The following CNTNAP4 variants were observed in gnomAD, a reference collection of about 807,000 sequenced individuals.
CNTNAP4 encodes contactin-associated protein-like 4.
In CNTNAP4, 98 loss-of-function variants were observed where a neutral mutation model predicts 148.4. The ratio of observed to expected loss-of-function variants is 0.66; its 90% CI spans 0.56 to 0.78. The LOEUF (loss-of-function observed/expected upper bound fraction) is 0.78. Ranked by LOEUF, CNTNAP4 falls within the 30% of genes least tolerant of loss-of-function variation. The pLI, the probability that CNTNAP4 is intolerant of heterozygous loss-of-function variation, is 0.00. For missense variants in CNTNAP4, 1,935 were observed against 1,565.6 expected (o/e 1.24, Z -3.98); for synonymous variants, 730 against 565.1 (o/e 1.29, Z -4.14).
chr16:76,328,536 G>A (rs768154738), intron 2 of CNTNAP4, among the ~76,000 whole-genome samples: 1 of 152,152 alleles, frequency 6.6e-6, no homozygotes, highest in Non-Finnish European at 1.5e-5. Flanking sequence ...ACGCAGAAAG[G>A]ACATTTAGTA....
chr16:76,392,860 G>A (rs1463747144), intron 3 of CNTNAP4, among the ~76,000 whole-genome samples: 2 of 152,170 alleles, frequency 1.3e-5, no homozygotes, highest in Non-Finnish European at 2.9e-5. Context: ...GCCTGTCAAT[G>A]AATGAAAGGT....
chr16:76,357,058 A>AACACAC (rs58020066), intron 3 of CNTNAP4, among the ~76,000 whole-genome samples: 9,707 of 147,978 alleles, frequency 0.066, 402 homozygotes, highest in Admixed American at 0.13. Flanking sequence ...AACAAAACAA[A>AACACAC]ACACACACAC....
In CNTNAP4 at chr16:76,407,876, G is replaced by C. The variant is rs150905859; in HGVS notation, c.391-19576G>C. Among the ~76,000 whole-genome samples the C allele has an allele frequency of 1.9e-3, 292 of 152,174 alleles. 1 individual carries two copies. The highest frequency in any genetic ancestry group is 6.7e-3 in the African/African-American group (278 of 41,536). On this transcript the variant is annotated intron_variant, in intron 3 of 23. Transcript: ENST00000611870. ...ATCAAATGGCATCACATGCTACAGA[G>C]AAGTCTTTCATGAAAGGAAGAATTA...
intron 13 of CNTNAP4, among the ~76,000 whole-genome samples, chr16:76,493,664 T>C (rs1383152579): frequency 1.3e-5 from 2 of 152,186 alleles, no homozygotes; most frequent in Non-Finnish European, 2.9e-5. Flanking sequence ...TATTGAAATA[T>C]ATTTATTAAG....
chr16:76,377,888 G>C (rs1000360299), intron 3 of CNTNAP4, among the ~76,000 whole-genome samples: 1 of 152,170 alleles, frequency 6.6e-6, no homozygotes, highest in African/African-American at 2.4e-5. Flanking sequence ...TTGGATTTCA[G>C]GTGGGATGAA....
intron 10 of CNTNAP4, 138 bp from the exon 11 acceptor site, chr16:76,475,801 T>A: frequency 1.6e-6 from 1 of 611,708 alleles, no homozygotes; most frequent in Admixed American, 3.0e-5. Flanking sequence ...GTGATTAAAG[T>A]GATTAACAAC....
intron 7 of CNTNAP4, 24 bp from the exon 8 acceptor site, chr16:76,452,484 C>A (rs760187020): frequency 1.2e-6 from 2 of 1,611,726 alleles, no homozygotes; most frequent in Non-Finnish European, 1.7e-6. Context: ...ATTCTGAAAG[C>A]TTTTTCTTTT....
At chr16:76,550,381 A>AT (rs2084910511) in intron 21 of CNTNAP4, among the ~76,000 whole-genome samples, 1 of 152,176 alleles carries the variant, frequency 6.6e-6, no homozygotes. Context: ...CCATGTGTCC[A>AT]TTTTGAGTTT....
In CNTNAP4 at chr16:76,553,322, C is replaced by T. The variant is rs778705362; in HGVS notation, c.3482C>T (p.Ala1161Val). 1.7e-5 allele frequency: 27 copies of T among 1,612,556 alleles called. No homozygotes were observed. Among genetic ancestry groups the T allele is most frequent in the Admixed American group, 1.2e-4 (7 of 59,962 alleles). The change falls in exon 22 of 24, where the codon GCG (alanine) becomes GTG (valine). Residue 1161 changes from alanine (A) to valine (V), a missense_variant. Transcript: ENST00000611870. ...GACCAGGATACTGCACTGGCAGGTG[C>T]GCAGGGCTTCACAGGCTGCCTCTCT... ...DVDQDTALAG[A>V]QGFTGCLSAV...
chr16:76,302,128 G>A (rs769055530), intron 1 of CNTNAP4, among the ~76,000 whole-genome samples: 4 of 152,046 alleles, frequency 2.6e-5, no homozygotes, highest in East Asian at 1.9e-4. Flanking sequence ...GCCAGGGAAG[G>A]TACAATTTCA....
At chr16:76,372,072 C>T (rs181624232) in intron 3 of CNTNAP4, among the ~76,000 whole-genome samples, 434 of 152,116 alleles carry the variant, frequency 2.9e-3, no homozygotes, top group Non-Finnish European at 5.0e-3. Context: ...TCCAATTCAC[C>T]CATCTATTTT....
chr16:76,474,081 A>G (rs2081474281), intron 10 of CNTNAP4, among the ~76,000 whole-genome samples: 2 of 152,212 alleles, frequency 1.3e-5, no homozygotes, highest in Admixed American at 1.3e-4. Flanking sequence ...TAAGGGGCTT[A>G]GCTACAAATA....
At chr16:76,355,580 A>G in intron 3 of CNTNAP4, 69 bp downstream of exon 3, 1 of 1,145,804 alleles carries the variant, frequency 8.7e-7, no homozygotes, top group Non-Finnish European at 1.2e-6. Context: ...CTTGTTTACC[A>G]ATCTCTTAAA....
intron 10 of CNTNAP4, among the ~76,000 whole-genome samples, chr16:76,468,755 A>G (rs2081264806): frequency 6.6e-6 from 1 of 152,112 alleles, no homozygotes; most frequent in African/African-American, 2.4e-5. Context: ...CACTGTGCCC[A>G]GCCAAAAATA....
chr16:76,546,483 C>T (rs1039440029), intron 21 of CNTNAP4, among the ~76,000 whole-genome samples: 1 of 152,052 alleles, frequency 6.6e-6, no homozygotes, highest in Non-Finnish European at 1.5e-5. Flanking sequence ...GTTGTGTGCT[C>T]ATTATGAGAA....
intron 3 of CNTNAP4, among the ~76,000 whole-genome samples, chr16:76,417,062 T>A (rs2144962773): frequency 6.6e-6 from 1 of 151,476 alleles, no homozygotes. Flanking sequence ...ACGTGTGATA[T>A]ATCTTTCTTC....
intron 3 of CNTNAP4, among the ~76,000 whole-genome samples, chr16:76,382,766 T>C (rs1482841108): frequency 6.6e-6 from 1 of 152,106 alleles, no homozygotes; most frequent in East Asian, 1.9e-4. Flanking sequence ...ACCACTTTCC[T>C]CTAAAAGGAT....
chr16:76,315,793 C>A (rs1961670567), intron 1 of CNTNAP4, among the ~76,000 whole-genome samples: 1 of 152,032 alleles, frequency 6.6e-6, no homozygotes, highest in African/African-American at 2.4e-5. Flanking sequence ...TGGGGTTTCA[C>A]CATGTTGGCT....
At chr16:76,526,361 C>A (rs779286509) in intron 17 of CNTNAP4, among the ~76,000 whole-genome samples, 1 of 152,000 alleles carries the variant, frequency 6.6e-6, no homozygotes, top group Non-Finnish European at 1.5e-5. Context: ...CCTTGTAGGG[C>A]CATGGCGAGG....
Sources: gnomAD v4.1 joint callset for allele counts (sites outside exome capture counted in the v4.1 genomes callset) on GRCh38, gnomAD v4.1.1 for gene constraint, MANE v1.5 for transcripts, NCBI Gene and HGNC (gene_info 2026-07-23, HGNC 2026-07-21) for gene names.